Variants in NUSAP1 observed in about 807,000 individuals in gnomAD.
NUSAP1 encodes the protein nucleolar and spindle-associated protein 1.
Under a neutral mutation model 52.8 loss-of-function variants are expected in NUSAP1, and 32 were observed. That is an observed-to-expected ratio of 0.61 (90% CI 0.46 to 0.81). NUSAP1 has a LOEUF of 0.81. Ranked by LOEUF, NUSAP1 falls within the 40% of genes least tolerant of loss-of-function variation. The pLI is 0.00. For synonymous variants in NUSAP1, 195 were observed against 183.1 expected (o/e 1.06, Z -0.52); for missense variants, 499 against 522.3 (o/e 0.96, Z 0.43).
intron 7 of NUSAP1, among the ~76,000 whole-genome samples, chr15:41,367,088 T>C (rs1365716892): frequency 6.6e-6 from 1 of 152,230 alleles, no homozygotes; most frequent in Non-Finnish European, 1.5e-5. Context: ...TGGGGCTGTT[T>C]CTCAGCCCTG....
At chr15:41,334,372 C>A (rs926403991) in intron 1 of NUSAP1, among the ~76,000 whole-genome samples, 1 of 152,150 alleles carries the variant, frequency 6.6e-6, no homozygotes, top group Non-Finnish European at 1.5e-5. Flanking sequence ...CCGCCTCAGC[C>A]CCCAAAGTAC....
intron 8 of NUSAP1, among the ~76,000 whole-genome samples, chr15:41,374,676 C>G (rs887116964): frequency 6.6e-6 from 1 of 150,610 alleles, no homozygotes; most frequent in Non-Finnish European, 1.5e-5. Flanking sequence ...TTTGGGCACA[C>G]GCTGCCACGC....
chr15:41,336,649 T>G (rs1282834361), intron 1 of NUSAP1, among the ~76,000 whole-genome samples: 1 of 109,412 alleles, frequency 9.1e-6, no homozygotes, highest in Non-Finnish European at 1.7e-5. Flanking sequence ...CTCCTTTTGG[T>G]TTTTTTTTTT....
chr15:41,340,786 C>T (rs1036256334), intron 1 of NUSAP1, among the ~76,000 whole-genome samples: 1 of 152,182 alleles, frequency 6.6e-6, no homozygotes, highest in African/African-American at 2.4e-5. Context: ...TAAGGTACCA[C>T]TTTATTACTA....
At position 41,371,626 on chromosome 15, in the gene NUSAP1, AG is replaced by A; in HGVS notation, c.950del (p.Gly317AlafsTer10). On this transcript the variant is annotated frameshift_variant, in exon 8 of 11. Coordinates refer to ENST00000559596, the MANE Select transcript of NUSAP1 (RefSeq NM_016359.5). LOFTEE classifies it high-confidence loss of function. Reference sequence around the variant, plus strand: ...TGACCGTGTCTGGGGGCACCCCAAAAGGCGAGGCTGTGCTTGGGACACACAA... The same window carrying A: ...TGACCGTGTCTGGGGGCACCCCAAAAGCGAGGCTGTGCTTGGGACACACAA... Reference protein sequence around the residue: ...HVTVSGGTPKGEAVLGTHKLK... With the variant: ...HVTVSGGTPKXEAVLGTHKLK... 6.2e-7 allele frequency: 1 copy of A among 1,610,860 alleles called. No individual in the cohort carries two copies. The highest frequency in any genetic ancestry group is 8.5e-7 in the Non-Finnish European group (1 of 1,179,014).
rs966173376 is a variant in NUSAP1 at position 41,333,736 on chromosome 15, T to TA, written c.93+692dup. ...AGGAGTTCGAGACCAGCCTGGCCCT[T>TA]AAAAAATTAGCCGGGCGTGGTGGCA... On this transcript the variant is annotated intron_variant, in intron 1 of 10. Transcript: ENST00000559596. Among the ~76,000 whole-genome samples the TA allele has an allele frequency of 1.5e-4, 23 of 152,216 alleles. No homozygotes were observed. The East Asian group carries it at 2.9e-3, about 19-fold the overall frequency.
chr15:41,375,522 A>C lies in NUSAP1; in HGVS notation c.1007-190A>C, dbSNP rs755704396. 4.6e-5 allele frequency among the ~76,000 whole-genome samples: 7 copies of C among 152,242 alleles called. No homozygotes were observed. The East Asian group carries it at 1.4e-3, about 29-fold the overall frequency. On this transcript the variant is annotated intron_variant, in intron 8 of 10. Coordinates refer to ENST00000559596, the MANE Select transcript of NUSAP1 (RefSeq NM_016359.5). ...GAGACAGGGTTTCACCATGTTGGTC[A>C]GGATGGTCTTGATCTCCTGACCTCG... is the stretch of plus-strand genomic sequence containing the variant.
chr15:41,342,667 G>A (rs1311605575), intron 2 of NUSAP1, among the ~76,000 whole-genome samples: 2 of 151,956 alleles, frequency 1.3e-5, no homozygotes, highest in Non-Finnish European at 2.9e-5. Flanking sequence ...GTGAAACCCC[G>A]TCTCTACTAA....
chr15:41,336,374 T>A (rs1483241092), intron 1 of NUSAP1, among the ~76,000 whole-genome samples: 2 of 151,832 alleles, frequency 1.3e-5, no homozygotes, highest in African/African-American at 4.8e-5. Flanking sequence ...CAGTTATTAA[T>A]GTTAGTGGGG....
At chr15:41,354,223 C>A (rs113710447) in intron 4 of NUSAP1, among the ~76,000 whole-genome samples, 8 of 152,156 alleles carry the variant, frequency 5.3e-5, no homozygotes, top group African/African-American at 1.9e-4. Context: ...CAGAAGCAAA[C>A]AGGCCAGGCG....
chr15:41,334,286 T>G (rs1161416478), intron 1 of NUSAP1, among the ~76,000 whole-genome samples: 1 of 152,120 alleles, frequency 6.6e-6, no homozygotes, highest in African/African-American at 2.4e-5. Context: ...GCCTGGCTAA[T>G]TTTTGTATTT....
chr15:41,348,403 A>G lies in NUSAP1; in HGVS notation c.163-695A>G, dbSNP rs187990995. Among the ~76,000 whole-genome samples, 40 of 152,122 alleles carry G rather than the reference A, an allele frequency of 2.6e-4. No homozygotes were observed. In the East Asian group the frequency reaches 7.8e-3, roughly 30 times the overall value. On this transcript the variant is annotated intron_variant, in intron 2 of 10. Transcript: ENST00000559596. ...TAATACATTTTTAATAATTTTAAGT[A>G]GAGATGGGGTTTTGCCATGTTGCCC...
intron 1 of NUSAP1, among the ~76,000 whole-genome samples, chr15:41,336,656 T>TTTTTTGTTTGG (rs1567036573): frequency 9.1e-6 from 1 of 110,462 alleles, no homozygotes; most frequent in South Asian, 2.7e-4. Flanking sequence ...TGGTTTTTTT[T>TTTTTTGTTTGG]TTTTTTTTTT....
At chr15:41,344,480 T>C (rs765361243) in intron 2 of NUSAP1, among the ~76,000 whole-genome samples, 33 of 150,472 alleles carry the variant, frequency 2.2e-4, no homozygotes, top group South Asian at 6.3e-4. Context: ...CTACTAAAAA[T>C]ACAAAAAACT....
chr15:41,362,603 T>TTG (rs1555430572), intron 6 of NUSAP1, among the ~76,000 whole-genome samples: 1 of 150,670 alleles, frequency 6.6e-6, no homozygotes, highest in African/African-American at 2.4e-5. Context: ...TTTTTTTTTT[T>TTG]GTATTTTTAG....
chr15:41,350,085 T>A (rs1451360989), intron 3 of NUSAP1, among the ~76,000 whole-genome samples: 1 of 152,076 alleles, frequency 6.6e-6, no homozygotes, highest in African/African-American at 2.4e-5. Flanking sequence ...CAGTCTTAAT[T>A]TTCTTTTCTA....
chr15:41,345,646 A>G (rs1053014635), intron 2 of NUSAP1: 2 of 263,838 alleles, frequency 7.6e-6, no homozygotes, highest in African/African-American at 4.8e-5. Flanking sequence ...TTTAGTAGAG[A>G]CGGGGTTTCA....
Position 41,380,308 on chromosome 15 carries a change from C to G in NUSAP1, c.*122C>G. On this transcript the variant is annotated 3_prime_UTR_variant, in exon 11 of 11. Coordinates refer to ENST00000559596, the MANE Select transcript of NUSAP1 (RefSeq NM_016359.5). Reference sequence around the variant, plus strand: ...TCTTTTTCTGCTAACTGTTCATAGTCTGTGTAGTGTCCATGGGTTCTTCAT... The same window carrying G: ...TCTTTTTCTGCTAACTGTTCATAGTGTGTGTAGTGTCCATGGGTTCTTCAT... The G allele has an allele frequency of 1.5e-6, 1 of 646,690 alleles. No individual in the cohort carries two copies. The highest frequency in any genetic ancestry group is 2.7e-6 in the Non-Finnish European group (1 of 368,820). 40.1% of individuals were successfully genotyped at this position (646,690 alleles called of 1,614,324 possible).
chr15:41,364,701 C>T (rs976304481), intron 6 of NUSAP1, among the ~76,000 whole-genome samples: 7 of 152,008 alleles, frequency 4.6e-5, no homozygotes, highest in Admixed American at 3.3e-4. Context: ...CATCCTGTCT[C>T]TACTAAAAAT....
Sources: gnomAD v4.1 joint callset for allele counts (sites outside exome capture counted in the v4.1 genomes callset) on GRCh38, gnomAD v4.1.1 for gene constraint, MANE v1.5 for transcripts, NCBI Gene and HGNC (gene_info 2026-07-23, HGNC 2026-07-21) for gene names.